The following SMYD2 variants were observed in gnomAD, a reference collection of about 807,000 sequenced individuals.
SMYD2 encodes the protein N-lysine methyltransferase SMYD2.
A neutral mutation model predicts 59.1 loss-of-function variants in SMYD2; 53 were observed. The observed-to-expected ratio is 0.90, with a 90% CI of 0.72 to 1.13. The LOEUF (loss-of-function observed/expected upper bound fraction) is 1.13, where lower values mean the gene tolerates loss of function less well. SMYD2 is among the 50% of genes most tolerant of loss of function. The pLI, the probability that SMYD2 is intolerant of heterozygous loss-of-function variation, is 0.00. For synonymous variants in SMYD2, 208 were observed against 198.8 expected (o/e 1.05, Z -0.39); for missense variants, 494 against 544.7 (o/e 0.91, Z 0.93).
chr1:214,332,281 G>C (rs1005006015), intron 10 of SMYD2, 89 bp downstream of exon 10: 6 of 1,476,374 alleles, frequency 4.1e-6, no homozygotes, highest in Non-Finnish European at 4.6e-6. Flanking sequence ...GCCCATTGCT[G>C]AGACTTGCCT....
At chr1:214,322,284 C>G (rs1324659901) in intron 5 of SMYD2, among the ~76,000 whole-genome samples, 1 of 152,152 alleles carries the variant, frequency 6.6e-6, no homozygotes, top group Non-Finnish European at 1.5e-5. Context: ...AGGTCATGCT[C>G]CGGTAATTTT....
chr1:214,326,175 T>C (rs1280500060), intron 6 of SMYD2, among the ~76,000 whole-genome samples: 1 of 149,232 alleles, frequency 6.7e-6, no homozygotes, highest in Non-Finnish European at 1.5e-5. Context: ...GAGGTGGAGG[T>C]TGCAGTGAGC....
chr1:214,290,161 T>C (rs921785807), intron 1 of SMYD2, among the ~76,000 whole-genome samples: 1 of 152,204 alleles, frequency 6.6e-6, no homozygotes, highest in East Asian at 1.9e-4. Flanking sequence ...AAATCAGATC[T>C]CTTCAAGACT....
At chr1:214,322,829 A>G (rs1176721254) in intron 5 of SMYD2, among the ~76,000 whole-genome samples, 1 of 152,224 alleles carries the variant, frequency 6.6e-6, no homozygotes, top group East Asian at 1.9e-4. Context: ...GAGTTGCTGT[A>G]GTAATGCTAT....
intron 8 of SMYD2, 115 bp from the exon 9 acceptor site, chr1:214,330,835 C>A: frequency 6.8e-7 from 1 of 1,469,402 alleles, no homozygotes. Flanking sequence ...CTTTTGTAAC[C>A]TTGGAATGGG....
chr1:214,320,507 T>A (rs911878477), intron 5 of SMYD2, among the ~76,000 whole-genome samples: 13 of 152,142 alleles, frequency 8.5e-5, no homozygotes, highest in African/African-American at 3.1e-4. Context: ...GTGTCTGTAG[T>A]CCCAGCTACT....
At chr1:214,323,246 G>GT (rs1313281841) in intron 5 of SMYD2, among the ~76,000 whole-genome samples, 1 of 152,126 alleles carries the variant, frequency 6.6e-6, no homozygotes, top group East Asian at 1.9e-4. Context: ...TTTTCAGCCT[G>GT]TTTGTCTTTC....
chr1:214,304,672 C>A (rs549214838), intron 1 of SMYD2, among the ~76,000 whole-genome samples: 1 of 151,194 alleles, frequency 6.6e-6, no homozygotes, highest in African/African-American at 2.4e-5. Flanking sequence ...TCCATCTTTG[C>A]ATTTCTTGCA....
intron 7 of SMYD2, among the ~76,000 whole-genome samples, chr1:214,329,069 A>G (rs1470024800): frequency 3.3e-5 from 5 of 152,190 alleles, no homozygotes; most frequent in Non-Finnish European, 5.9e-5. Flanking sequence ...GATTGTTGGC[A>G]GGCTCTTGTG....
chr1:214,284,988 T>C (rs960361490), intron 1 of SMYD2, among the ~76,000 whole-genome samples: 1 of 152,042 alleles, frequency 6.6e-6, no homozygotes, highest in Admixed American at 6.6e-5. Context: ...TATTTAAGGA[T>C]GAGATTATTG....
rs550007771 is a variant in SMYD2, at chr1:214,301,597, C to G, written c.174-3590C>G. ...TGAGAAGCTGTCAAGCTTAGGATGG[C>G]AGATCTATGTTTTCCAAAATGCTAA... is the stretch of plus-strand genomic sequence containing the variant. On this transcript the variant is annotated intron_variant, in intron 1 of 11. Transcript: ENST00000366957. Among the ~76,000 whole-genome samples, 25 of 152,164 alleles carry G rather than the reference C, an allele frequency of 1.6e-4. No individual in the cohort carries two copies. In the South Asian group the frequency reaches 5.2e-3, roughly 32 times the overall value.
At chr1:214,306,986 CA>C (rs1447230821) in intron 2 of SMYD2, among the ~76,000 whole-genome samples, 3 of 152,204 alleles carry the variant, frequency 2.0e-5, no homozygotes, top group Non-Finnish European at 1.5e-5. Flanking sequence ...GCCTAACTAA[CA>C]TGGTGAAACC....
At chr1:214,288,797 T>C (rs1656590495) in intron 1 of SMYD2, among the ~76,000 whole-genome samples, 1 of 152,198 alleles carries the variant, frequency 6.6e-6, no homozygotes, top group Non-Finnish European at 1.5e-5. Context: ...AAAAAGAACA[T>C]GAGGCTTTGG....
At chr1:214,313,394 G>A (rs1411165594) in intron 2 of SMYD2, among the ~76,000 whole-genome samples, 2 of 151,834 alleles carry the variant, frequency 1.3e-5, no homozygotes, top group African/African-American at 4.8e-5. Context: ...AGCATTTATG[G>A]CCATTTTCTG....
chr1:214,336,729 A>G lies in SMYD2; in HGVS notation c.1247A>G (p.His416Arg). The change falls in exon 12 of 12, where the codon CAC becomes CGC. Residue 416 changes from histidine to arginine, a missense_variant. His to Arg is a conservative substitution (Grantham distance 29, BLOSUM62 0). Transcript: ENST00000366957. ...KKAIAIMEVA[H>R]GKDHPYISEI... ...GCCATTGCAATCATGGAAGTAGCTC[A>G]CGGCAAAGATCATCCATATATTTCT... 1 of 1,613,866 alleles carries G rather than the reference A, an allele frequency of 6.2e-7. No homozygotes were observed. Among genetic ancestry groups the G allele is most frequent in the Non-Finnish European group, 8.5e-7 (1 of 1,179,968 alleles).
chr1:214,284,253 G>GTTTTTTTTTTTTTTTTTTTTTTTTTTT lies in SMYD2; in HGVS notation c.173+2826_173+2827insTTTTTTTTTTTTTTTTTTTTTTTTTTT, dbSNP rs1259451106. On this transcript the variant is annotated intron_variant, in intron 1 of 11. Transcript: ENST00000366957. ...GCCATTTATCACCATTTTTTGGTGT[G>GTTTTTTTTTTTTTTTTTTTTTTTTTTT]GTTTTTTTTTTTTTTTTTTTTTTTG... Among the ~76,000 whole-genome samples the GTTTTTTTTTTTTTTTTTTTTTTTTTTT allele has an allele frequency of 3.9e-5, 3 of 76,820 alleles. 1 individual carries two copies. Among genetic ancestry groups the GTTTTTTTTTTTTTTTTTTTTTTTTTTT allele is most frequent in the African/African-American group, 1.8e-4 (3 of 16,916 alleles). The allele number at this position is 76,820 out of a possible 152,430, so 50.4% of individuals were successfully genotyped here.
intron 6 of SMYD2, among the ~76,000 whole-genome samples, chr1:214,325,652 G>A (rs1352845513): frequency 6.6e-6 from 1 of 152,018 alleles, no homozygotes. Flanking sequence ...TCTGTGTCTC[G>A]TGAGCAGCTG....
At chr1:214,321,602 G>A (rs142775943) in intron 5 of SMYD2, among the ~76,000 whole-genome samples, 147 of 152,290 alleles carry the variant, frequency 9.7e-4, no homozygotes, top group African/African-American at 2.8e-3. Context: ...GGGTTACCTC[G>A]AGACCTGGCA....
chr1:214,303,629 G>A (rs1165284199), intron 1 of SMYD2, among the ~76,000 whole-genome samples: 2 of 152,236 alleles, frequency 1.3e-5, no homozygotes, highest in Admixed American at 1.3e-4. Flanking sequence ...TGTCATGAAA[G>A]CTGCAAGGCA....
Sources: allele counts gnomAD v4.1 joint callset (sites outside exome capture counted in the v4.1 genomes callset), GRCh38; gene constraint gnomAD v4.1.1; transcripts MANE v1.5; gene names NCBI Gene and HGNC (gene_info 2026-07-23, HGNC 2026-07-21).